Variants in SHANK2 observed in about 807,000 individuals in gnomAD.
SHANK2 encodes SH3 and multiple ankyrin repeat domains protein 2.
In SHANK2, 43 loss-of-function variants were observed where a neutral mutation model predicts 133.7. That is an observed-to-expected ratio of 0.32 (90% CI 0.25 to 0.41). The LOEUF is 0.41. SHANK2 is among the 10% of genes least tolerant of loss of function. SHANK2 has a pLI of 1.00. For missense variants in SHANK2, 1,994 were observed against 2,235.8 expected (o/e 0.89, Z 2.18); for synonymous variants, 1,017 against 952.8 (o/e 1.07, Z -1.24).
intron 8 of SHANK2, among the ~76,000 whole-genome samples, chr11:71,075,663 C>T: frequency 6.6e-6 from 1 of 152,318 alleles, no homozygotes; most frequent in Middle Eastern, 3.4e-3. Context: ...TCAGACCCGG[C>T]TTCAGTTACC....
At chr11:70,945,164 G>T (rs989724040) in intron 10 of SHANK2, among the ~76,000 whole-genome samples, 1 of 152,078 alleles carries the variant, frequency 6.6e-6, no homozygotes, top group African/African-American at 2.4e-5. Context: ...GTGTATGGGC[G>T]GCTCTTGTCA....
chr11:70,669,592 C>T (rs1391555091), intron 15 of SHANK2: 1 of 152,644 alleles, frequency 6.6e-6, no homozygotes, highest in Non-Finnish European at 1.5e-5. Flanking sequence ...CCTACAGGTC[C>T]AGACTCCAGC....
At chr11:71,177,137 G>C (rs1268705850) in intron 2 of SHANK2, among the ~76,000 whole-genome samples, 1 of 116,370 alleles carries the variant, frequency 8.6e-6, no homozygotes, top group Non-Finnish European at 1.9e-5. Flanking sequence ...GTAGCCGAAA[G>C]AATTCATGAC....
chr11:70,624,038 C>T (rs1435321767), intron 17 of SHANK2, among the ~76,000 whole-genome samples: 1 of 152,040 alleles, frequency 6.6e-6, no homozygotes, highest in Non-Finnish European at 1.5e-5. Flanking sequence ...AGGCAGGGCA[C>T]CTTCGTCCCT....
intron 14 of SHANK2, among the ~76,000 whole-genome samples, chr11:70,796,438 G>C (rs949168023): frequency 1.3e-4 from 20 of 152,240 alleles, no homozygotes; most frequent in African/African-American, 4.8e-4. Flanking sequence ...CAAAAGAGTA[G>C]AGGGAGGGCA....
rs144169402 is a variant in SHANK2 at position 71,132,720 on chromosome 11, G to A, written c.208-13688C>T. On this transcript the variant is annotated intron_variant, in intron 3 of 25. Transcript: ENST00000601538. ...AACAAAGTCCTTCTCTGCCTTTATC[G>A]AGGATGCCCTGTGACGTGAATAATA... 2.7e-3 allele frequency among the ~76,000 whole-genome samples: 404 copies of A among 152,182 alleles called. 1 individual carries two copies. The highest frequency in any genetic ancestry group is 9.4e-3 in the African/African-American group (391 of 41,502).
intron 17 of SHANK2, among the ~76,000 whole-genome samples, chr11:70,521,683 A>C (rs1031007408): frequency 1.4e-4 from 21 of 152,122 alleles, no homozygotes; most frequent in African/African-American, 5.1e-4. Flanking sequence ...GGTGAGTGTG[A>C]GCATGTGTGT....
chr11:70,804,582 C>T lies in SHANK2; in HGVS notation c.1663+2420G>A, dbSNP rs1279302841. ...CAGTCTGGTCATGTTTGAGGAGGTG[C>T]TGCTGGGTTCCAGTGTGCTGGGGAG... On this transcript the variant is annotated intron_variant, in intron 13 of 25. Transcript: ENST00000601538. This position sits in a 1 kb window ranked among gnomAD's most constrained non-coding sequence, Gnocchi z 4.1. Among the ~76,000 whole-genome samples, 1 of 152,174 alleles carries T rather than the reference C, an allele frequency of 6.6e-6. No homozygotes were observed. The highest frequency in any genetic ancestry group is 1.9e-4 in the East Asian group (1 of 5,170).
intron 2 of SHANK2, among the ~76,000 whole-genome samples, chr11:71,201,439 C>T (rs1372000516): frequency 6.6e-6 from 1 of 152,238 alleles, no homozygotes; most frequent in Non-Finnish European, 1.5e-5. Flanking sequence ...GATCACCACG[C>T]TGTGTCCACT....
chr11:71,067,659 G>A (rs1951082776), intron 9 of SHANK2, among the ~76,000 whole-genome samples: 1 of 152,068 alleles, frequency 6.6e-6, no homozygotes. Flanking sequence ...GGAGAGGCTT[G>A]TTACAGGAAT....
chr11:71,069,170 C>G (rs1204281506), intron 9 of SHANK2, among the ~76,000 whole-genome samples: 3 of 151,510 alleles, frequency 2.0e-5, no homozygotes, highest in Non-Finnish European at 4.4e-5. Context: ...ACCCTCACCA[C>G]CATCATCAGC....
intron 11 of SHANK2, among the ~76,000 whole-genome samples, chr11:70,842,288 G>T (rs186743328): frequency 6.6e-6 from 1 of 152,320 alleles, no homozygotes; most frequent in Non-Finnish European, 1.5e-5. Flanking sequence ...ATGCTGGAAA[G>T]AGACAGACAC....
chr11:70,901,941 A>T lies in SHANK2; in HGVS notation c.1108-5374T>A, dbSNP rs1025462494. ...AGGAATCCACATGTGAAGCCAAGGGAACCCTGGCTTCTGCGGCTAGGAGGT... is the reference window on the plus strand; with the variant it reads ...AGGAATCCACATGTGAAGCCAAGGGTACCCTGGCTTCTGCGGCTAGGAGGT... On this transcript the variant is annotated intron_variant, in intron 10 of 25. Coordinates refer to ENST00000601538, the MANE Select transcript of SHANK2 (RefSeq NM_012309.5). Among the ~76,000 whole-genome samples the T allele has an allele frequency of 2.6e-5, 4 of 152,188 alleles. No individual in the cohort carries two copies. The East Asian group carries it at 7.7e-4, about 29-fold the overall frequency.
At position 70,804,223 on chromosome 11, in the gene SHANK2, G is replaced by A. The variant is rs1418801425; in HGVS notation, c.1663+2779C>T. Among the ~76,000 whole-genome samples, 2 of 152,218 alleles carry A rather than the reference G, an allele frequency of 1.3e-5. No homozygotes were observed. Among genetic ancestry groups the A allele is most frequent in the African/African-American group, 2.4e-5 (1 of 41,462 alleles). ...CAAGGGGACAGAATTCCTCCAAACG[G>A]CCTTGGCTCTGCAGGCAGTGGATCG... On this transcript the variant is annotated intron_variant, in intron 13 of 25. Coordinates refer to ENST00000601538, the MANE Select transcript of SHANK2 (RefSeq NM_012309.5). The surrounding 1 kb of genome is among the most constrained non-coding windows in gnomAD (Gnocchi z 4.1).
At chr11:70,748,674 T>C (rs1275182168) in intron 14 of SHANK2, among the ~76,000 whole-genome samples, 1 of 152,182 alleles carries the variant, frequency 6.6e-6, no homozygotes, top group East Asian at 1.9e-4. Context: ...ACCCCCAATA[T>C]AATTCCTTCT....
At chr11:70,698,627 T>C (rs914202005) in intron 15 of SHANK2, 61 bp downstream of exon 15, 1 of 718,082 alleles carries the variant, frequency 1.4e-6, no homozygotes, top group South Asian at 1.5e-5. Flanking sequence ...TCCAAAGCAT[T>C]TGCAGCACAG....
intron 14 of SHANK2, among the ~76,000 whole-genome samples, chr11:70,734,163 G>T (rs1342332639): frequency 6.6e-6 from 1 of 152,190 alleles, no homozygotes; most frequent in Non-Finnish European, 1.5e-5. Flanking sequence ...GCCCGCGGGA[G>T]GGAGTGCCGG....
chr11:70,684,919 G>T (rs1046565651), intron 15 of SHANK2, among the ~76,000 whole-genome samples: 2 of 152,184 alleles, frequency 1.3e-5, no homozygotes, highest in African/African-American at 4.8e-5. Context: ...ATGCAAAGGT[G>T]AGGATAATTT....
intron 17 of SHANK2, among the ~76,000 whole-genome samples, chr11:70,561,151 G>A (rs1565131461): frequency 6.6e-6 from 1 of 151,782 alleles, no homozygotes; most frequent in South Asian, 2.1e-4. Flanking sequence ...GATCAGCCTG[G>A]CTAGAGGTTT....
Sources: allele counts gnomAD v4.1 joint callset (sites outside exome capture counted in the v4.1 genomes callset), GRCh38; gene constraint gnomAD v4.1.1; non-coding constraint Gnocchi (gnomAD v3.1); transcripts MANE v1.5; gene names NCBI Gene and HGNC (gene_info 2026-07-23, HGNC 2026-07-21).